MED12L: variants seen among roughly 807,000 people sequenced by gnomAD.
MED12L encodes mediator of RNA polymerase II transcription subunit 12-like protein.
MED12L carries 60 observed loss-of-function variants against 281.3 expected under a neutral mutation model. The observed-to-expected ratio is 0.21, with a 90% CI of 0.17 to 0.26. The LOEUF (loss-of-function observed/expected upper bound fraction) is 0.26, where lower values mean the gene tolerates loss of function less well. Among genes scored for constraint, MED12L ranks in the 10% least tolerant of loss-of-function variants. The pLI, the probability that MED12L is intolerant of heterozygous loss-of-function variation, is 1.00. For missense variants in MED12L, 2,146 were observed against 2,680.9 expected (o/e 0.80, Z 4.41); for synonymous variants, 974 against 987.2 (o/e 0.99, Z 0.25).
At chr3:151,156,545 A>G (rs1210841518) in intron 6 of MED12L, among the ~76,000 whole-genome samples, 5 of 152,234 alleles carry the variant, frequency 3.3e-5, no homozygotes, top group Non-Finnish European at 7.3e-5. Flanking sequence ...GCTTTCAATC[A>G]TGTTAGCTCT....
intron 39 of MED12L, among the ~76,000 whole-genome samples, chr3:151,399,983 C>T (rs557390080): frequency 9.2e-5 from 14 of 152,244 alleles, no homozygotes; most frequent in Admixed American, 7.2e-4. Context: ...TGCACCACCC[C>T]GCCTGGCTGA....
At chr3:151,172,116 A>G (rs1418191830) in intron 11 of MED12L, among the ~76,000 whole-genome samples, 2 of 152,164 alleles carry the variant, frequency 1.3e-5, no homozygotes, top group South Asian at 4.1e-4. Context: ...CAGATGTGGG[A>G]GAGAGTACGT....
chr3:151,247,959 CTTCTTTT>C (rs1475843268), intron 16 of MED12L, among the ~76,000 whole-genome samples: 803 of 65,308 alleles, frequency 0.012, 3 homozygotes, highest in African/African-American at 0.043. Context: ...TCTTCTTCTT[CTTCTTTT>C]TTTTTTTTTT....
chr3:151,365,055 G>C lies in MED12L; in HGVS notation c.3034G>C (p.Asp1012His), dbSNP rs1392605741. The change falls in exon 22 of 45, where the codon GAC becomes CAC. Residue 1012 changes from aspartate (D) to histidine (H), a missense_variant. This residue lies in a region of MED12L where 404 missense variants were observed against 603.5 expected (regional missense o/e 0.67). Transcript: ENST00000687756. ...AAATTCGAACTTGCGATGGGATCCA[G>C]ACTTCATGATGGATTTTATTGAGAA... The part of the protein sequence containing the change: ...PANSNLRWDP[D>H]FMMDFIENPS... 1 of 1,614,068 alleles carries C rather than the reference G, an allele frequency of 6.2e-7. No homozygotes were observed.
At chr3:151,108,409 G>A (rs1026838382) in intron 2 of MED12L, among the ~76,000 whole-genome samples, 3 of 152,182 alleles carry the variant, frequency 2.0e-5, no homozygotes, top group South Asian at 4.1e-4. Flanking sequence ...TGTAGGTGTT[G>A]CCTAGTAACA....
chr3:151,323,804 GCTAAATGAACAAATGAATCCA>G (rs1282695106), intron 16 of MED12L, among the ~76,000 whole-genome samples: 2 of 152,196 alleles, frequency 1.3e-5, no homozygotes, highest in African/African-American at 4.8e-5. Flanking sequence ...GGAATGACTG[GCTAAATGAACAAATGAATCCA>G]CTATTGGGGA....
At chr3:151,246,887 G>A (rs1021201949) in intron 16 of MED12L, among the ~76,000 whole-genome samples, 8 of 152,234 alleles carry the variant, frequency 5.3e-5, no homozygotes, top group South Asian at 2.1e-4. Flanking sequence ...AAAGGGTAAT[G>A]TCCAGAATCT....
At chr3:151,248,408 C>T (rs538307120) in intron 16 of MED12L, among the ~76,000 whole-genome samples, 1 of 152,174 alleles carries the variant, frequency 6.6e-6, no homozygotes, top group Admixed American at 6.5e-5. Flanking sequence ...AGAGTTTTAG[C>T]ATTTTGTGCT....
At chr3:151,372,483 C>A in intron 26 of MED12L, 84 bp from the exon 27 acceptor site, 1 of 978,404 alleles carries the variant, frequency 1.0e-6, no homozygotes, top group South Asian at 1.4e-5. Flanking sequence ...TTTTAAATCC[C>A]TGAATGCTAT....
chr3:151,410,751 T>G (rs1716842529), intron 40 of MED12L, among the ~76,000 whole-genome samples: 1 of 152,232 alleles, frequency 6.6e-6, no homozygotes, highest in Admixed American at 6.5e-5. Flanking sequence ...TATTAATAGT[T>G]TTTTGTTATT....
intron 39 of MED12L, among the ~76,000 whole-genome samples, chr3:151,396,574 C>A (rs1003958072): frequency 6.6e-6 from 1 of 152,082 alleles, no homozygotes; most frequent in African/African-American, 2.4e-5. Context: ...TGCAGTGAGC[C>A]GAGATCACGC....
At position 151,421,365 on chromosome 3, in the gene MED12L, T is replaced by C. The variant is rs55711131; in HGVS notation, c.6408+4943T>C. On this transcript the variant is annotated intron_variant, in intron 43 of 44. Transcript: ENST00000687756. ...TTCCCCAAATTTCTTTGTCACTAGT[T>C]TTCCAATCATGCTTCTTCCTGTGCT... Among the ~76,000 whole-genome samples the C allele has an allele frequency of 9.5e-3, 1,445 of 152,056 alleles. 24 individuals carry two copies. The highest frequency in any genetic ancestry group is 0.032 in the African/African-American group (1,347 of 41,474).
chr3:151,264,919 A>G (rs958023641), intron 16 of MED12L, among the ~76,000 whole-genome samples: 5 of 150,606 alleles, frequency 3.3e-5, no homozygotes, highest in African/African-American at 1.0e-4. Flanking sequence ...TTGTAGCCAC[A>G]CTGGCCTTCT....
At chr3:151,164,324 T>A (rs1332355811) in intron 9 of MED12L, among the ~76,000 whole-genome samples, 1 of 152,202 alleles carries the variant, frequency 6.6e-6, no homozygotes, top group Non-Finnish European at 1.5e-5. Flanking sequence ...TGACCATGAC[T>A]CCTGTAGTAG....
chr3:151,337,591 G>A (rs1345433364), intron 16 of MED12L: 20 of 508,470 alleles, frequency 3.9e-5, no homozygotes, highest in East Asian at 2.0e-4. Flanking sequence ...ATTGGATGTC[G>A]TTTGTTTTGC....
At chr3:151,387,011 G>A (rs1212877344) in intron 36 of MED12L, among the ~76,000 whole-genome samples, 1 of 152,098 alleles carries the variant, frequency 6.6e-6, no homozygotes, top group African/African-American at 2.4e-5. Flanking sequence ...TGCCTGGCCT[G>A]AACCTTAGTT....
chr3:151,387,924 G>C lies in MED12L; in HGVS notation c.5203G>C (p.Val1735Leu). 1 of 1,614,100 alleles carries C rather than the reference G, an allele frequency of 6.2e-7. No homozygotes were observed. The highest frequency in any genetic ancestry group is 8.5e-7 in the Non-Finnish European group (1 of 1,180,006). Residue 1735 changes from valine (V) to leucine (L), a missense_variant, in exon 37 of 45, where the codon GTG becomes CTG. Physicochemically the swap from Val to Leu is conservative, Grantham distance 32. Transcript: ENST00000687756. Reference sequence around the variant, plus strand: ...TGGGACAGTCCGAGTGGACCGAAGAGTGATCAAGTACGAGGAGCAGCATCA... The same window carrying C: ...TGGGACAGTCCGAGTGGACCGAAGACTGATCAAGTACGAGGAGCAGCATCA... ...WFGTVRVDRRVIKYEEQHHLL... is the reference protein window; with the variant it reads ...WFGTVRVDRRLIKYEEQHHLL...
intron 2 of MED12L, among the ~76,000 whole-genome samples, chr3:151,099,126 ACAATT>A (rs1458266267): frequency 1.3e-5 from 2 of 152,242 alleles, no homozygotes; most frequent in Non-Finnish European, 2.9e-5. Flanking sequence ...TATGGGAACT[ACAATT>A]CAAGATGAGA....
intron 16 of MED12L, among the ~76,000 whole-genome samples, chr3:151,250,469 G>A (rs959677840): frequency 2.6e-5 from 4 of 152,088 alleles, no homozygotes; most frequent in East Asian, 3.9e-4. Flanking sequence ...GGTAACTACT[G>A]TTCTTCTCTA....
Sources: gnomAD v4.1 joint callset for allele counts (sites outside exome capture counted in the v4.1 genomes callset) on GRCh38, gnomAD v4.1.1 for gene constraint, gnomAD v4.1.1 regional missense constraint, MANE v1.5 for transcripts, NCBI Gene and HGNC (gene_info 2026-07-23, HGNC 2026-07-21) for gene names.